MAL: variants seen among roughly 807,000 people sequenced by gnomAD.
MAL encodes the protein myelin and lymphocyte protein.
Under a neutral mutation model 16.7 loss-of-function variants are expected in MAL, and 5 were observed. The observed-to-expected ratio is 0.30, with a 90% confidence interval of 0.16 to 0.63. MAL has a LOEUF of 0.63. MAL is among the 30% of genes least tolerant of loss of function. The probability of loss-of-function intolerance (pLI) is 0.82; values close to 1 mark genes in which losing one functional copy is unlikely to be tolerated. For synonymous variants in MAL, 96 were observed against 85.5 expected (o/e 1.12, Z -0.67); for missense variants, 202 against 195.8 (o/e 1.03, Z -0.19).
intron 1 of MAL, among the ~76,000 whole-genome samples, chr2:95,037,039 G>A (rs1674233707): frequency 2.0e-5 from 3 of 151,522 alleles, no homozygotes. Context: ...GTGACTGAGT[G>A]GGTGAGTGAG....
intron 1 of MAL, among the ~76,000 whole-genome samples, chr2:95,039,643 TGACTGAGTGAG>T (rs1285323277): frequency 4.1e-5 from 6 of 145,430 alleles, no homozygotes; most frequent in East Asian, 4.2e-4. Context: ...ACTGAGTGAG[TGACTGAGTGAG>T]GACTGAGTGA....
At chr2:95,026,504 T>TG (rs1304426330) in intron 1 of MAL, 8 of 11,532 alleles carry the variant, frequency 6.9e-4, no homozygotes, top group African/African-American at 3.3e-3. Flanking sequence ...GTGGAGGAGA[T>TG]GGGGGGTGGG....
At chr2:95,048,283 C>G (rs1674636440) in intron 2 of MAL, among the ~76,000 whole-genome samples, 157 bp downstream of exon 2, 1 of 152,172 alleles carries the variant, frequency 6.6e-6, no homozygotes, top group Non-Finnish European at 1.5e-5. Flanking sequence ...CTCCTGGCAG[C>G]AGAATCAGGA....
chr2:95,053,186 G>GTACAGTACA, intron 3 of MAL, 195 bp from the exon 4 acceptor site: 1 of 543,378 alleles, frequency 1.8e-6, no homozygotes, highest in Non-Finnish European at 3.3e-6. Context: ...TAGGTCACAT[G>GTACAGTACA]GAGCTCTGTA....
In MAL at chr2:95,049,596, T is replaced by G. The variant is rs77106368; in HGVS notation, c.277T>G (p.Cys93Gly). ...SWVTLDAAYH[C>G]TAALFYLSAS... ...TGCCCCATAGGACGCAGCCTACCACTGCACCGCTGCCCTCTTTTACCTCAG... is the reference window on the plus strand; with the variant it reads ...TGCCCCATAGGACGCAGCCTACCACGGCACCGCTGCCCTCTTTTACCTCAG... Residue 93 changes from cysteine to glycine, a missense_variant, in exon 3 of 4, where the codon TGC becomes GGC. By Grantham distance (159) the Cys-to-Gly change is radical (BLOSUM62 -3). Transcript: ENST00000309988. The G allele has an allele frequency of 3.7e-6, 6 of 1,614,068 alleles. No individual in the cohort carries two copies. The highest frequency in any genetic ancestry group is 1.3e-5 in the African/African-American group (1 of 74,932).
intron 1 of MAL, among the ~76,000 whole-genome samples, chr2:95,046,354 A>G (rs1396768253): frequency 1.3e-5 from 2 of 152,174 alleles, no homozygotes. Flanking sequence ...CTTCGAGCCC[A>G]GTCCTCATCC....
intron 3 of MAL, 197 bp from the exon 4 acceptor site, chr2:95,053,184 A>T: frequency 3.7e-6 from 2 of 543,222 alleles, no homozygotes; most frequent in South Asian, 3.0e-5. Context: ...GTTAGGTCAC[A>T]TGGAGCTCTG....
At chr2:95,051,381 G>A (rs1558662972) in intron 3 of MAL, 2 of 152,130 alleles carry the variant, frequency 1.3e-5, no homozygotes, top group Admixed American at 6.5e-5. Flanking sequence ...TAAGAATTAG[G>A]GCCTGATAAA....
At chr2:95,047,895 G>T in intron 1 of MAL, 64 bp from the exon 2 acceptor site, 1 of 1,526,918 alleles carries the variant, frequency 6.5e-7, no homozygotes, top group East Asian at 2.3e-5. Context: ...ACCGCTGGTC[G>T]GGGGCCCTTC....
rs1383800415 is a variant in MAL, at chr2:95,053,466, G to C, written c.*11G>C. On this transcript the variant is annotated 3_prime_UTR_variant, in exon 4 of 4. Transcript: ENST00000309988. ...TGGAAGTCTTCATAAAGCCGCAGTA[G>C]AACTTGAGCTGAAAACCCAGATGGT... is the stretch of plus-strand genomic sequence containing the variant. 6.2e-7 allele frequency: 1 copy of C among 1,607,140 alleles called. No homozygotes were observed. The highest frequency in any genetic ancestry group is 1.7e-5 in the Admixed American group (1 of 59,994).
In MAL at chr2:95,025,792, C is replaced by A; in HGVS notation, c.-1C>A. The A allele has an allele frequency of 8.4e-6, 13 of 1,546,828 alleles. No individual in the cohort carries two copies. Among genetic ancestry groups the A allele is most frequent in the Non-Finnish European group, 9.6e-6 (11 of 1,146,070 alleles). On this transcript the variant is annotated 5_prime_UTR_variant, in exon 1 of 4. Transcript: ENST00000309988. The surrounding 1 kb of genome is among the most constrained non-coding windows in gnomAD (Gnocchi z 5.6). ...CCCAAGGCCGACGCCAGCACGCCGT[C>A]ATGGCCCCCGCAGCGGCGACGGGGG...
chr2:95,038,480 C>CTGAGTGAGTGAGTGAGTGAG (rs1306755867), intron 1 of MAL, among the ~76,000 whole-genome samples: 1 of 67,788 alleles, frequency 1.5e-5, no homozygotes, highest in Non-Finnish European at 3.2e-5. Context: ...GAGTGAGTGA[C>CTGAGTGAGTGAGTGAGTGAG]TGAGTGAGTG....
intron 2 of MAL, among the ~76,000 whole-genome samples, chr2:95,048,586 G>A (rs879576170): frequency 2.0e-5 from 3 of 152,228 alleles, no homozygotes; most frequent in African/African-American, 7.2e-5. Context: ...AGGGCTGCCA[G>A]AGAGCACTGG....
Position 95,031,452 on chromosome 2 carries a change from A to G in MAL, c.93+5567A>G, listed in dbSNP as rs75271202. On this transcript the variant is annotated intron_variant, in intron 1 of 3. Transcript: ENST00000309988. ...GGGCAGGTTGAAGAACCCGCATTGC[A>G]CTGCACACCCTCCACTGACTGGCTG... Among the ~76,000 whole-genome samples, 1,190 of 152,332 alleles carry G rather than the reference A, an allele frequency of 7.8e-3. 14 individuals are homozygous for G. The highest frequency in any genetic ancestry group is 0.028 in the African/African-American group (1,143 of 41,562).
intron 1 of MAL, among the ~76,000 whole-genome samples, chr2:95,036,532 TTGAA>T (rs1217178024): frequency 6.6e-6 from 1 of 152,222 alleles, no homozygotes; most frequent in Admixed American, 6.5e-5. Context: ...AAGTGTGTCT[TTGAA>T]TGAGATCCAT....
At chr2:95,049,828 C>T in intron 3 of MAL, 122 bp downstream of exon 3, 1 of 1,397,510 alleles carries the variant, frequency 7.2e-7, no homozygotes, top group African/African-American at 1.4e-5. Flanking sequence ...TGAGGTCAAA[C>T]CTTGCCTTCA....
intron 1 of MAL, among the ~76,000 whole-genome samples, chr2:95,034,305 G>A (rs1488290436): frequency 6.6e-6 from 1 of 152,126 alleles, no homozygotes; most frequent in Non-Finnish European, 1.5e-5. Flanking sequence ...CTAAGAGCTT[G>A]ATGGAGCAGC....
intron 1 of MAL, among the ~76,000 whole-genome samples, chr2:95,043,126 C>A (rs1383420853): frequency 6.6e-6 from 1 of 152,218 alleles, no homozygotes; most frequent in Non-Finnish European, 1.5e-5. Context: ...TGGCATGTGC[C>A]CTTTCTGCCC....
At chr2:95,042,888 T>C (rs1674503240) in intron 1 of MAL, among the ~76,000 whole-genome samples, 2 of 152,210 alleles carry the variant, frequency 1.3e-5, no homozygotes, top group Non-Finnish European at 2.9e-5. Flanking sequence ...CTTAACTCCC[T>C]GGTGTGGGTG....
Sources: allele counts gnomAD v4.1 joint callset (sites outside exome capture counted in the v4.1 genomes callset), GRCh38; gene constraint gnomAD v4.1.1; non-coding constraint Gnocchi (gnomAD v3.1); transcripts MANE v1.5; gene names NCBI Gene and HGNC (gene_info 2026-07-23, HGNC 2026-07-21).